SDK1: variants seen among roughly 807,000 people sequenced by gnomAD.
SDK1 encodes protein sidekick-1.
Under a neutral mutation model 245.5 loss-of-function variants are expected in SDK1, and 157 were observed. The observed-to-expected ratio is 0.64, with a 90% CI of 0.56 to 0.73. SDK1 has a LOEUF of 0.73. Among genes scored for constraint, SDK1 ranks in the 30% least tolerant of loss-of-function variants. The pLI is 0.00. For synonymous variants in SDK1, 1,647 were observed against 1,278.5 expected (o/e 1.29, Z -6.15); for missense variants, 3,583 against 3,002.3 (o/e 1.19, Z -4.52).
chr7:4,257,181 A>G (rs906779542), intron 44 of SDK1, among the ~76,000 whole-genome samples: 7 of 152,198 alleles, frequency 4.6e-5, no homozygotes, highest in African/African-American at 1.4e-4. Flanking sequence ...ATCGTACCCA[A>G]TTAATTCCTT....
At chr7:3,906,705 G>T (rs1015097813) in intron 5 of SDK1, among the ~76,000 whole-genome samples, 1 of 126,682 alleles carries the variant, frequency 7.9e-6, no homozygotes, top group Non-Finnish European at 1.6e-5. Flanking sequence ...TCGGCTCACT[G>T]CAACCTCTGC....
At chr7:3,895,716 G>A (rs559637313) in intron 5 of SDK1, among the ~76,000 whole-genome samples, 176 of 152,262 alleles carry the variant, frequency 1.2e-3, no homozygotes, top group African/African-American at 3.2e-3. Context: ...TCTAGTGTAA[G>A]TGCTTGATGC....
chr7:4,170,143 A>G (rs1476478197), intron 32 of SDK1, among the ~76,000 whole-genome samples: 1 of 152,198 alleles, frequency 6.6e-6, no homozygotes, highest in East Asian at 1.9e-4. Context: ...AGGATGCCTT[A>G]CAGAATAAGG....
intron 4 of SDK1, among the ~76,000 whole-genome samples, chr7:3,793,456 G>C (rs1778869009): frequency 6.6e-6 from 1 of 152,160 alleles, no homozygotes; most frequent in African/African-American, 2.4e-5. Flanking sequence ...AGTGCACAAT[G>C]ACGGTGGCTT....
At chr7:3,358,361 A>G (rs915198001) in intron 1 of SDK1, among the ~76,000 whole-genome samples, 2 of 151,328 alleles carry the variant, frequency 1.3e-5, no homozygotes, top group South Asian at 2.1e-4. Flanking sequence ...ATCTTTGACA[A>G]TTTGTTTTAA....
chr7:4,058,958 C>A (rs1268640117), intron 19 of SDK1, among the ~76,000 whole-genome samples: 1 of 151,654 alleles, frequency 6.6e-6, no homozygotes, highest in Non-Finnish European at 1.5e-5. Flanking sequence ...GAGAAAGGAC[C>A]CAAATGTTAC....
intron 3 of SDK1, among the ~76,000 whole-genome samples, chr7:3,640,215 T>C (rs1782607601): frequency 1.3e-5 from 2 of 152,136 alleles, no homozygotes; most frequent in East Asian, 1.9e-4. Flanking sequence ...AGCAAAAAAA[T>C]GTTATAAGAT....
At position 3,962,691 on chromosome 7, in the gene SDK1, T is replaced by A. The variant is rs1398527338; in HGVS notation, c.1269T>A (p.Asp423Glu). The change falls in exon 9 of 45, where the codon GAT (aspartate) becomes GAA (glutamate). Residue 423 changes from aspartate to glutamate, a missense_variant. By Grantham distance (45) the Asp-to-Glu change is conservative. Transcript: ENST00000404826. ...VPLPTLQWYKDAISISRLQNP... is the reference protein window; with the variant it reads ...VPLPTLQWYKEAISISRLQNP... ...TTCCCACCCTCCAGTGGTACAAGGA[T>A]GCCATCTCCATCAGCAGGCTCCAGA... 6.2e-7 allele frequency: 1 copy of A among 1,613,678 alleles called. No individual in the cohort carries two copies. Among genetic ancestry groups the A allele is most frequent in the Non-Finnish European group, 8.5e-7 (1 of 1,179,766 alleles).
At chr7:3,679,535 C>G (rs1372085533) in intron 4 of SDK1, among the ~76,000 whole-genome samples, 1 of 151,782 alleles carries the variant, frequency 6.6e-6, no homozygotes, top group East Asian at 1.9e-4. Context: ...CCACTGCACT[C>G]CAGCCTGGGC....
chr7:3,827,056 T>C (rs961735454), intron 5 of SDK1, among the ~76,000 whole-genome samples: 2 of 152,296 alleles, frequency 1.3e-5, no homozygotes, highest in Non-Finnish European at 1.5e-5. Flanking sequence ...TGTCCCCTTT[T>C]CCCCTGTGTG....
intron 1 of SDK1, among the ~76,000 whole-genome samples, chr7:3,548,022 G>T (rs1779285378): frequency 6.6e-6 from 1 of 152,226 alleles, no homozygotes; most frequent in South Asian, 2.1e-4. Flanking sequence ...AAGTGCCAAT[G>T]GAAAAATAAA....
In SDK1 at chr7:3,918,443, A is replaced by C. The variant is rs143794828; in HGVS notation, c.848-32480A>C. On this transcript the variant is annotated intron_variant, in intron 5 of 44. Coordinates refer to ENST00000404826, the MANE Select transcript of SDK1 (RefSeq NM_152744.4). The stretch of plus-strand genomic sequence containing the variant: ...TGTGCCCGCGAGGCATCTAGGTTAC[A>C]CACGCCTTATGAGAATCTAATGCCT... 5.3e-5 allele frequency among the ~76,000 whole-genome samples: 8 copies of C among 152,298 alleles called. No homozygotes were observed. In the East Asian group the frequency reaches 1.5e-3, roughly 29 times the overall value.
chr7:3,341,862 C>T (rs1057329204), intron 1 of SDK1, among the ~76,000 whole-genome samples: 6 of 152,158 alleles, frequency 3.9e-5, no homozygotes, highest in Non-Finnish European at 5.9e-5. Context: ...CCTGAATTAT[C>T]GTAGCTTTTA....
At chr7:3,684,137 A>G (rs1165812898) in intron 4 of SDK1, among the ~76,000 whole-genome samples, 2 of 152,170 alleles carry the variant, frequency 1.3e-5, no homozygotes, top group Non-Finnish European at 2.9e-5. Flanking sequence ...CAGGTGGTAC[A>G]CTGATCCCTG....
intron 1 of SDK1, among the ~76,000 whole-genome samples, chr7:3,356,366 G>T (rs1181605075): frequency 6.6e-6 from 1 of 152,100 alleles, no homozygotes; most frequent in African/African-American, 2.4e-5. Flanking sequence ...GAAGTAGGAC[G>T]CTGCCAGCTC....
At chr7:3,561,916 T>A (rs1458592278) in intron 1 of SDK1, among the ~76,000 whole-genome samples, 1 of 152,256 alleles carries the variant, frequency 6.6e-6, no homozygotes, top group Non-Finnish European at 1.5e-5. Flanking sequence ...AGTTTTCTTT[T>A]CAAATGCACA....
At chr7:4,131,697 T>C (rs570190404) in intron 27 of SDK1, among the ~76,000 whole-genome samples, 3 of 152,092 alleles carry the variant, frequency 2.0e-5, no homozygotes, top group Non-Finnish European at 2.9e-5. Context: ...ATTCAGCAGT[T>C]CCACCACACC....
chr7:4,198,960 C>T (rs1028671695), intron 35 of SDK1, among the ~76,000 whole-genome samples: 3 of 151,974 alleles, frequency 2.0e-5, no homozygotes, highest in South Asian at 2.1e-4. Context: ...ATTACAGGCA[C>T]GCACCACCAC....
chr7:3,581,051 G>A (rs1023293704), intron 1 of SDK1, among the ~76,000 whole-genome samples: 1 of 149,468 alleles, frequency 6.7e-6, no homozygotes, highest in Non-Finnish European at 1.5e-5. Context: ...ATAAGAACTG[G>A]CGTTAATTGT....
Sources: gnomAD v4.1 joint callset for allele counts (sites outside exome capture counted in the v4.1 genomes callset) on GRCh38, gnomAD v4.1.1 for gene constraint, MANE v1.5 for transcripts, NCBI Gene and HGNC (gene_info 2026-07-23, HGNC 2026-07-21) for gene names.